GCNT1: variants seen among roughly 807,000 people sequenced by gnomAD.
GCNT1 encodes the protein beta-1,3-galactosyl-O-glycosyl-glycoprotein beta-1,6-N-acetylglucosaminyltransferase.
In GCNT1, 16 loss-of-function variants were observed where a neutral mutation model predicts 26.2. That is an observed-to-expected ratio of 0.61 (90% CI 0.41 to 0.93). The LOEUF (loss-of-function observed/expected upper bound fraction) is 0.93. Among genes scored for constraint, GCNT1 ranks in the 40% least tolerant of loss-of-function variants. The probability of loss-of-function intolerance (pLI) is 0.00; values close to 1 mark genes in which losing one functional copy is unlikely to be tolerated. For synonymous variants in GCNT1, 183 were observed against 190.8 expected (o/e 0.96, Z 0.34); for missense variants, 477 against 526.7 (o/e 0.91, Z 0.92).
chr9:76,497,442 TC>T (rs1160527516), intron 2 of GCNT1, among the ~76,000 whole-genome samples: 1 of 152,216 alleles, frequency 6.6e-6, no homozygotes, highest in Non-Finnish European at 1.5e-5. Flanking sequence ...ACTTCTGTAT[TC>T]ACCCTGATGA....
intron 2 of GCNT1, among the ~76,000 whole-genome samples, chr9:76,472,541 T>G (rs912860675): frequency 1.3e-5 from 2 of 152,162 alleles, no homozygotes; most frequent in Admixed American, 1.3e-4. Context: ...AGGGTGCAAC[T>G]TGGGGCTAGA....
intron 2 of GCNT1, among the ~76,000 whole-genome samples, chr9:76,499,908 CT>C (rs1416082459): frequency 7.2e-5 from 11 of 152,022 alleles, no homozygotes; most frequent in Admixed American, 6.6e-5. Flanking sequence ...AGGGTTCATT[CT>C]TTGTGTTGTA....
chr9:76,410,023 ATTT>A, the GCNT1 span, among the ~76,000 whole-genome samples: 1 of 152,124 alleles, frequency 6.6e-6, no homozygotes, highest in Non-Finnish European at 1.5e-5. Flanking sequence ...CCAATGTGTT[ATTT>A]AGAGTATGGT....
At chr9:76,462,732 C>T (rs139537075) in intron 2 of GCNT1, among the ~76,000 whole-genome samples, 19 of 152,270 alleles carry the variant, frequency 1.2e-4, no homozygotes, top group African/African-American at 2.9e-4. Flanking sequence ...AAACATCTGA[C>T]GCCTTGAAAC....
chr9:76,486,754 CAG>C (rs1387575491), intron 2 of GCNT1, among the ~76,000 whole-genome samples: 1 of 152,068 alleles, frequency 6.6e-6, no homozygotes, highest in Non-Finnish European at 1.5e-5. Context: ...GAACTAGAAA[CAG>C]AACTCTTTTC....
chr9:76,430,941 C>T lies in GCNT1; in HGVS notation n.38+11054C>T, dbSNP rs561122023. ...CCTCAAGCAATCCACCTACCTTGGC[C>T]TCCCAAAGTGCCGGGATTACGGGCA... On this transcript the variant is annotated intron_variant and non_coding_transcript_variant, in intron 1 of 3. Coordinates refer to the GCNT1 transcript ENST00000488136. Among the ~76,000 whole-genome samples, 4 of 152,324 alleles carry T rather than the reference C, an allele frequency of 2.6e-5. No homozygotes were observed. The South Asian group carries it at 8.3e-4, about 32-fold the overall frequency.
At chr9:76,496,772 A>T (rs1240492086) in intron 2 of GCNT1, among the ~76,000 whole-genome samples, 2 of 152,138 alleles carry the variant, frequency 1.3e-5, no homozygotes, top group African/African-American at 2.4e-5. Context: ...ACCAAGAACC[A>T]TTACTTTCAG....
upstream of GCNT1, among the ~76,000 whole-genome samples, chr9:76,419,696 G>A (rs1823164805): frequency 6.6e-6 from 1 of 152,194 alleles, no homozygotes; most frequent in Admixed American, 6.5e-5. Context: ...AAGAAAAAAT[G>A]TAAAGCAATG....
intron 1 of GCNT1, among the ~76,000 whole-genome samples, chr9:76,423,682 T>TA (rs1823227621): frequency 6.6e-6 from 1 of 152,212 alleles, no homozygotes; most frequent in South Asian, 2.1e-4. Context: ...CAGATGATGT[T>TA]ACGCTTTTTT....
At chr9:76,443,450 T>C (rs1823512730) in intron 1 of GCNT1, among the ~76,000 whole-genome samples, 1 of 152,226 alleles carries the variant, frequency 6.6e-6, no homozygotes, top group African/African-American at 2.4e-5. Context: ...AGGAATAGGT[T>C]GGGCTAGTTA....
At chr9:76,500,560 T>C (rs1825036835) in intron 2 of GCNT1, among the ~76,000 whole-genome samples, 1 of 152,146 alleles carries the variant, frequency 6.6e-6, no homozygotes, top group Admixed American at 6.5e-5. Context: ...TGTCATTAAT[T>C]TGCCAGTGAG....
chr9:76,484,383 A>G lies in GCNT1; in HGVS notation c.-289-16533A>G, dbSNP rs888816084. ...AGACCCTGTCTTAAAAAAAAAAAAA[A>G]GAGAGAGAAAGCAAAAAACTTAAGT... On this transcript the variant is annotated intron_variant, in intron 2 of 3. Transcript: ENST00000376730. Among the ~76,000 whole-genome samples the G allele has an allele frequency of 2.6e-5, 4 of 151,140 alleles. No individual in the cohort carries two copies. The East Asian group carries it at 7.7e-4, about 29-fold the overall frequency.
chr9:76,494,339 T>A (rs1162630315), intron 2 of GCNT1, among the ~76,000 whole-genome samples: 1 of 152,134 alleles, frequency 6.6e-6, no homozygotes, highest in African/African-American at 2.4e-5. Flanking sequence ...AGCATTCTCC[T>A]GTTAGTATTG....
upstream of GCNT1, among the ~76,000 whole-genome samples, chr9:76,455,316 G>A (rs1226767471): frequency 6.6e-6 from 1 of 152,176 alleles, no homozygotes; most frequent in Non-Finnish European, 1.5e-5. Flanking sequence ...CCTCATTGAA[G>A]TTTGATCAAG....
intron 1 of GCNT1, among the ~76,000 whole-genome samples, chr9:76,435,934 A>G (rs948509053): frequency 1.3e-5 from 2 of 150,796 alleles, no homozygotes; most frequent in African/African-American, 4.9e-5. Flanking sequence ...CAGAGTGCTA[A>G]GCAGTAGTTC....
the GCNT1 span, among the ~76,000 whole-genome samples, chr9:76,411,717 T>C: frequency 7.2e-6 from 1 of 138,458 alleles, no homozygotes; most frequent in African/African-American, 2.7e-5. Context: ...TTTTTTTTTT[T>C]TTTTAACAGA....
At chr9:76,481,707 C>G (rs530611699) in intron 2 of GCNT1, among the ~76,000 whole-genome samples, 3 of 152,248 alleles carry the variant, frequency 2.0e-5, no homozygotes, top group African/African-American at 4.8e-5. Flanking sequence ...TCAAGAACTA[C>G]GAAGGGTCTG....
chr9:76,449,681 T>C (rs1823633541), intron 1 of GCNT1, among the ~76,000 whole-genome samples: 1 of 152,234 alleles, frequency 6.6e-6, no homozygotes, highest in Non-Finnish European at 1.5e-5. Flanking sequence ...CATCCTCTGT[T>C]AAAATGCTGT....
chr9:76,462,062 CAG>C (rs1467019112), intron 2 of GCNT1, among the ~76,000 whole-genome samples: 1 of 151,924 alleles, frequency 6.6e-6, no homozygotes, highest in Non-Finnish European at 1.5e-5. Context: ...TGGTAGAAAA[CAG>C]AAATTACTAC....
Sources: gnomAD v4.1 joint callset for allele counts (sites outside exome capture counted in the v4.1 genomes callset) on GRCh38, gnomAD v4.1.1 for gene constraint, MANE v1.5 for transcripts, NCBI Gene and HGNC (gene_info 2026-07-23, HGNC 2026-07-21) for gene names.